DRC11: variants seen among roughly 807,000 people sequenced by gnomAD.
DRC11 encodes dynein regulatory complex subunit 11.
At chr2:236,414,556 C>T in the DRC11 span, among the ~76,000 whole-genome samples, 18 of 152,038 alleles carry the variant, frequency 1.2e-4, no homozygotes, top group Admixed American at 1.2e-3. Flanking sequence ...CAACTCCTGG[C>T]CTCAAGTGAT....
chr2:236,425,916 A>T, the DRC11 span, among the ~76,000 whole-genome samples: 5 of 151,876 alleles, frequency 3.3e-5, 1 homozygote, highest in South Asian at 1.0e-3. Context: ...TGTGTTCTTG[A>T]CACCTTTGTT....
the DRC11 span, among the ~76,000 whole-genome samples, chr2:236,414,416 C>T: frequency 1.3e-5 from 2 of 152,264 alleles, no homozygotes; most frequent in East Asian, 1.9e-4. Flanking sequence ...TGAAGTTTAC[C>T]TAGAGATTCA....
At chr2:236,486,738 TC>T in the DRC11 span, 1 of 865,930 alleles carries the variant, frequency 1.2e-6, no homozygotes. The surrounding 1 kb of genome is among the most constrained non-coding windows in gnomAD (Gnocchi z 5.7). Flanking sequence ...TTTCTTTCTT[TC>T]TTCCCTCAAA....
chr2:236,482,577 A>G, the DRC11 span, among the ~76,000 whole-genome samples: 413 of 152,332 alleles, frequency 2.7e-3, no homozygotes, highest in Non-Finnish European at 3.9e-3. The surrounding 1 kb of genome is among the most constrained non-coding windows in gnomAD (Gnocchi z 4.5). Context: ...TGCTAATAAG[A>G]CAGACACCAC....
chr2:236,371,002 T>C, the DRC11 span, among the ~76,000 whole-genome samples: 1 of 152,154 alleles, frequency 6.6e-6, no homozygotes. The surrounding 1 kb of genome is among the most constrained non-coding windows in gnomAD (Gnocchi z 5.1). Context: ...AGAGTGGGAT[T>C]ACAAATCTCA....
the DRC11 span, among the ~76,000 whole-genome samples, chr2:236,336,867 C>T: frequency 2.6e-5 from 4 of 152,210 alleles, no homozygotes; most frequent in Non-Finnish European, 5.9e-5. The surrounding 1 kb of genome is among the most constrained non-coding windows in gnomAD (Gnocchi z 7.3). Context: ...TCTGGGCTGG[C>T]CCTGTGCCTT....
chr2:236,357,164 ATATC>A, the DRC11 span, among the ~76,000 whole-genome samples: 1 of 120,582 alleles, frequency 8.3e-6, no homozygotes, highest in African/African-American at 3.3e-5. Context: ...GTATTCATAT[ATATC>A]TATATATTAT....
At chr2:236,349,823 T>C in the DRC11 span, among the ~76,000 whole-genome samples, 2 of 152,162 alleles carry the variant, frequency 1.3e-5, no homozygotes, top group African/African-American at 2.4e-5. The surrounding 1 kb of genome is among the most constrained non-coding windows in gnomAD (Gnocchi z 5.5). Flanking sequence ...CAAACCCCTG[T>C]GACACGAGTT....
the DRC11 span, among the ~76,000 whole-genome samples, chr2:236,322,782 C>A: frequency 1.3e-5 from 2 of 152,216 alleles, no homozygotes; most frequent in East Asian, 3.9e-4. Context: ...TCACACCAGC[C>A]ATGTGTGGCT....
the DRC11 span, among the ~76,000 whole-genome samples, chr2:236,357,979 CAT>C: frequency 3.5e-4 from 38 of 108,604 alleles, no homozygotes; most frequent in East Asian, 1.0e-3. Flanking sequence ...AATATATACT[CAT>C]ATATAAATAT....
the DRC11 span, among the ~76,000 whole-genome samples, chr2:236,400,202 C>T: frequency 6.6e-6 from 1 of 152,208 alleles, no homozygotes; most frequent in African/African-American, 2.4e-5. The surrounding 1 kb of genome is among the most constrained non-coding windows in gnomAD (Gnocchi z 7.9). Context: ...CTACCTGCCC[C>T]ATCCTTGAGC....
chr2:236,366,975 A>ATTTT, the DRC11 span, among the ~76,000 whole-genome samples: 217 of 127,380 alleles, frequency 1.7e-3, 2 homozygotes, highest in African/African-American at 6.0e-3. Flanking sequence ...ACACCCGGCT[A>ATTTT]TTTTTTTTTT....
chr2:236,337,264 C>T, the DRC11 span, among the ~76,000 whole-genome samples: 10 of 152,138 alleles, frequency 6.6e-5, no homozygotes, highest in Non-Finnish European at 1.2e-4. This position sits in a 1 kb window ranked among gnomAD's most constrained non-coding sequence, Gnocchi z 4.9. Flanking sequence ...GCTGTTTGAG[C>T]CTTCAGGGAG....
chr2:236,441,977 T>C, the DRC11 span, among the ~76,000 whole-genome samples: 1 of 152,158 alleles, frequency 6.6e-6, no homozygotes, highest in Non-Finnish European at 1.5e-5. Context: ...GTTTCACGCC[T>C]ATAATCCCAA....
the DRC11 span, among the ~76,000 whole-genome samples, chr2:236,484,417 T>C: frequency 6.6e-6 from 1 of 152,160 alleles, no homozygotes; most frequent in Non-Finnish European, 1.5e-5. Flanking sequence ...AAGCAAAAAT[T>C]AAAAAACAAT....
the DRC11 span, among the ~76,000 whole-genome samples, chr2:236,407,371 A>G: frequency 1.3e-5 from 2 of 152,164 alleles, no homozygotes; most frequent in Non-Finnish European, 2.9e-5. Flanking sequence ...CCAGCTGGTT[A>G]CTGGCTCTCC....
the DRC11 span, among the ~76,000 whole-genome samples, chr2:236,312,911 G>A: frequency 6.6e-6 from 1 of 152,130 alleles, no homozygotes; most frequent in Non-Finnish European, 1.5e-5. Context: ...AGAAGATATA[G>A]TGAAAAACTT....
At chr2:236,491,679 G>A in the DRC11 span, among the ~76,000 whole-genome samples, 1 of 152,154 alleles carries the variant, frequency 6.6e-6, no homozygotes, top group African/African-American at 2.4e-5. Flanking sequence ...CGCTCTGACT[G>A]ATGCATGGAC....
At chr2:236,472,782 A>T in the DRC11 span, among the ~76,000 whole-genome samples, 1 of 152,118 alleles carries the variant, frequency 6.6e-6, no homozygotes, top group Non-Finnish European at 1.5e-5. The surrounding 1 kb of genome is among the most constrained non-coding windows in gnomAD (Gnocchi z 4.6). Context: ...CTCACTGGTT[A>T]AGTATGTCAC....
Sources: allele counts gnomAD v4.1 joint callset (sites outside exome capture counted in the v4.1 genomes callset), GRCh38; gene constraint gnomAD v4.1.1; non-coding constraint Gnocchi (gnomAD v3.1); transcripts MANE v1.5; gene names NCBI Gene and HGNC (gene_info 2026-07-23, HGNC 2026-07-21).